The following GPR158 variants were observed in gnomAD, a reference collection of about 807,000 sequenced individuals.
GPR158 encodes metabotropic glycine receptor.
Under a neutral mutation model 78.2 loss-of-function variants are expected in GPR158, and 30 were observed. The observed-to-expected ratio is 0.38, with a 90% CI of 0.29 to 0.52. The LOEUF is 0.52. Ranked by LOEUF, GPR158 falls within the 20% of genes least tolerant of loss-of-function variation. The probability of loss-of-function intolerance (pLI) is 0.83; values close to 1 mark genes in which losing one functional copy is unlikely to be tolerated. For synonymous variants in GPR158, 581 were observed against 591.1 expected, an observed-to-expected ratio of 0.98 and a Z score of 0.25; for missense variants, 1,463 against 1,523.5, an observed-to-expected ratio of 0.96 and a Z score of 0.66.
At position 25,315,268 on chromosome 10, in the gene GPR158, C is replaced by A. The variant is rs767063786; in HGVS notation, c.1009-80643C>A. On this transcript the variant is annotated intron_variant, in intron 2 of 10. Transcript: ENST00000376351. ...TCTCTTCTTGCATATCTTGTCATTT[C>A]TGCTTAATAAAGGTGGTTGCTGTGT... 1.3e-5 allele frequency among the ~76,000 whole-genome samples: 2 copies of A among 151,956 alleles called. 1 individual carries two copies. Among genetic ancestry groups the A allele is most frequent in the South Asian group, 4.1e-4 (2 of 4,832 alleles).
chr10:25,182,682 T>A (rs898973770), intron 1 of GPR158, among the ~76,000 whole-genome samples: 2 of 152,230 alleles, frequency 1.3e-5, no homozygotes, highest in Non-Finnish European at 2.9e-5. Flanking sequence ...ATGGTTCAGA[T>A]TTTAAGGCTA....
intron 4 of GPR158, among the ~76,000 whole-genome samples, chr10:25,452,584 A>T (rs1420229648): frequency 6.6e-6 from 1 of 152,176 alleles, no homozygotes; most frequent in Non-Finnish European, 1.5e-5. Context: ...AGAAATAGAT[A>T]AAGGGAAGCA....
intron 5 of GPR158, among the ~76,000 whole-genome samples, chr10:25,510,804 T>G (rs562245950): frequency 2.2e-4 from 33 of 152,186 alleles, no homozygotes; most frequent in Admixed American, 1.0e-3. Flanking sequence ...AATGGTTGGT[T>G]TCCCATTACT....
chr10:25,516,029 CTGT>C (rs1836166797), intron 5 of GPR158, among the ~76,000 whole-genome samples: 1 of 151,302 alleles, frequency 6.6e-6, no homozygotes, highest in African/African-American at 2.4e-5. Flanking sequence ...TCTCCAGCAC[CTGT>C]TGTTTCCTGA....
At chr10:25,370,867 A>G (rs971073169) in intron 2 of GPR158, among the ~76,000 whole-genome samples, 4 of 151,896 alleles carry the variant, frequency 2.6e-5, no homozygotes, top group Non-Finnish European at 4.4e-5. Context: ...TTGGGTACAT[A>G]TATATTAAGG....
In GPR158 at chr10:25,288,124, A is replaced by C. The variant is rs1035610953; in HGVS notation, c.1008+66967A>C. Among the ~76,000 whole-genome samples the C allele has an allele frequency of 3.3e-5, 5 of 152,228 alleles. No individual in the cohort carries two copies. The South Asian group carries it at 1.0e-3, about 32-fold the overall frequency. Reference sequence around the variant, plus strand: ...AAACACTGTTTTAACCATGCTTCACATATTAACCCATTTAATTCTCACAAC... The same window carrying C: ...AAACACTGTTTTAACCATGCTTCACCTATTAACCCATTTAATTCTCACAAC... On this transcript the variant is annotated intron_variant, in intron 2 of 10. Transcript: ENST00000376351.
chr10:25,534,135 G>A (rs1448874485), intron 5 of GPR158, among the ~76,000 whole-genome samples: 6 of 152,110 alleles, frequency 3.9e-5, no homozygotes, highest in African/African-American at 9.7e-5. Flanking sequence ...ATCTGGTTAT[G>A]CTTTGGCACA....
Position 25,258,820 on chromosome 10 carries a change from A to G in GPR158, c.1008+37663A>G, listed in dbSNP as rs528655752. On this transcript the variant is annotated intron_variant, in intron 2 of 10. Coordinates refer to ENST00000376351, the MANE Select transcript of GPR158 (RefSeq NM_020752.3). ...TACATGTAACTTTCGATTCCCAAAA[A>G]GTTAACTACTAATAGCCTACTATTG... is the stretch of plus-strand genomic sequence containing the variant. 1.0e-3 allele frequency among the ~76,000 whole-genome samples: 159 copies of G among 152,318 alleles called. 1 individual carries two copies. The highest frequency in any genetic ancestry group is 1.3e-3 in the Non-Finnish European group (91 of 68,024).
chr10:25,471,244 T>G (rs918853299), intron 5 of GPR158, among the ~76,000 whole-genome samples: 1 of 152,088 alleles, frequency 6.6e-6, no homozygotes, highest in African/African-American at 2.4e-5. Context: ...TTGCTGAGAA[T>G]GATGGTTTCC....
intron 7 of GPR158, among the ~76,000 whole-genome samples, chr10:25,584,254 G>A (rs80236925): frequency 0.067 from 10,169 of 152,182 alleles, 453 homozygotes; most frequent in South Asian, 0.19. Context: ...TAATAACACC[G>A]CAAATTTGGT....
chr10:25,379,723 T>C (rs1020290806), intron 2 of GPR158, among the ~76,000 whole-genome samples: 1 of 134,060 alleles, frequency 7.5e-6, no homozygotes. Context: ...AGCCCCAAAC[T>C]TGATTTTTTC....
rs560264296 is a variant in GPR158 at position 25,344,510 on chromosome 10, T to TA, written c.1009-51393dup. ...CTCTTGAATTTATTTATCTTGAGTT[T>TA]AAAAAAAAGAGGTTATAGAATCTAA... is the stretch of plus-strand genomic sequence containing the variant. On this transcript the variant is annotated intron_variant, in intron 2 of 10. Transcript: ENST00000376351. Among the ~76,000 whole-genome samples, 510 of 151,604 alleles carry TA rather than the reference T, an allele frequency of 3.4e-3. 3 individuals carry two copies. Among genetic ancestry groups the TA allele is most frequent in the African/African-American group, 0.011 (469 of 41,372 alleles).
intron 2 of GPR158, among the ~76,000 whole-genome samples, chr10:25,356,074 G>A (rs1855545690): frequency 6.6e-6 from 1 of 152,014 alleles, no homozygotes; most frequent in Non-Finnish European, 1.5e-5. Context: ...AGAAGATAGT[G>A]GGAAAGCTGA....
intron 2 of GPR158, among the ~76,000 whole-genome samples, chr10:25,380,682 A>T (rs1301195932): frequency 6.6e-6 from 1 of 152,180 alleles, no homozygotes; most frequent in Non-Finnish European, 1.5e-5. Context: ...GAACTTATTC[A>T]TGTAATCTGT....
At chr10:25,178,704 G>A (rs1409514042) in intron 1 of GPR158, among the ~76,000 whole-genome samples, 1 of 152,216 alleles carries the variant, frequency 6.6e-6, no homozygotes, top group African/African-American at 2.4e-5. Context: ...TCCCCTGTGA[G>A]TGCTTTGGCC....
intron 2 of GPR158, among the ~76,000 whole-genome samples, chr10:25,347,859 C>T (rs1035738281): frequency 6.6e-6 from 1 of 151,742 alleles, no homozygotes; most frequent in African/African-American, 2.4e-5. Context: ...CTGATCACAG[C>T]CATACAATCT....
intron 2 of GPR158, among the ~76,000 whole-genome samples, chr10:25,340,192 G>C (rs998517119): frequency 1.3e-5 from 2 of 151,960 alleles, no homozygotes; most frequent in Non-Finnish European, 2.9e-5. Context: ...TGGTTGCTTT[G>C]GTTGCTCTCC....
In GPR158 at chr10:25,578,631, T is replaced by C. The variant is rs565178383; in HGVS notation, c.1753+5744T>C. 2.0e-5 allele frequency among the ~76,000 whole-genome samples: 3 copies of C among 152,362 alleles called. No homozygotes were observed. The South Asian group carries it at 6.2e-4, about 32-fold the overall frequency. On this transcript the variant is annotated intron_variant, in intron 7 of 10. Transcript: ENST00000376351. ...CTATAACTTAAAAAAGATTACATAG[T>C]GTAATTACAAATATTGAAACAGAAT...
chr10:25,597,353 G>A (rs988871122), intron 10 of GPR158, among the ~76,000 whole-genome samples: 1 of 152,188 alleles, frequency 6.6e-6, no homozygotes, highest in Non-Finnish European at 1.5e-5. Context: ...GCTGTGTTTT[G>A]TTCTGGTCCA....
Sources: gnomAD v4.1 joint callset for allele counts (sites outside exome capture counted in the v4.1 genomes callset) on GRCh38, gnomAD v4.1.1 for gene constraint, MANE v1.5 for transcripts, NCBI Gene and HGNC (gene_info 2026-07-23, HGNC 2026-07-21) for gene names.